The following TMEM132C variants were observed in gnomAD, a reference collection of about 807,000 sequenced individuals.
The protein encoded by TMEM132C is protein phosphatase 1, regulatory subunit 152.
In TMEM132C, 29 loss-of-function variants were observed where a neutral mutation model predicts 61.4. That is an observed-to-expected ratio of 0.47 (90% CI 0.35 to 0.64). The LOEUF (loss-of-function observed/expected upper bound fraction) is 0.64, where lower values mean the gene tolerates loss of function less well. Ranked by LOEUF, TMEM132C falls within the 30% of genes least tolerant of loss-of-function variation. The pLI is 0.00. For missense variants in TMEM132C, 1,408 were observed against 1,476.9 expected (o/e 0.95, Z 0.76); for synonymous variants, 656 against 633.1 (o/e 1.04, Z -0.54).
intron 3 of TMEM132C, among the ~76,000 whole-genome samples, chr12:128,599,284 A>T (rs2135572438): frequency 6.6e-6 from 1 of 152,222 alleles, no homozygotes; most frequent in Non-Finnish European, 1.5e-5. Flanking sequence ...CACCTTTATA[A>T]CCAGAATTAA....
At chr12:128,661,588 T>C (rs1035758352) in intron 4 of TMEM132C, among the ~76,000 whole-genome samples, 1 of 149,948 alleles carries the variant, frequency 6.7e-6, no homozygotes, top group African/African-American at 2.4e-5. Flanking sequence ...TGGATACATA[T>C]GCACATGGAG....
intron 3 of TMEM132C, among the ~76,000 whole-genome samples, chr12:128,604,939 TAATA>T (rs1401637343): frequency 2.7e-5 from 4 of 150,706 alleles, no homozygotes; most frequent in South Asian, 2.1e-4. Context: ...GATGCATAGA[TAATA>T]AATAGATGGA....
At chr12:128,478,821 A>G (rs774706777) in intron 2 of TMEM132C, among the ~76,000 whole-genome samples, 9 of 152,316 alleles carry the variant, frequency 5.9e-5, no homozygotes, top group East Asian at 1.9e-4. Flanking sequence ...ACTTATGCCA[A>G]GAGATCTCAC....
At chr12:128,492,185 CT>C (rs1363395086) in intron 2 of TMEM132C, among the ~76,000 whole-genome samples, 1 of 152,102 alleles carries the variant, frequency 6.6e-6, no homozygotes. Flanking sequence ...TGAACTCATC[CT>C]TTTTTATGGC....
rs954554302 is a variant in TMEM132C, at chr12:128,573,150, C to T, written c.1121+29047C>T. Among the ~76,000 whole-genome samples the T allele has an allele frequency of 2.0e-5, 3 of 152,174 alleles. No individual in the cohort carries two copies. In the South Asian group the frequency reaches 6.2e-4, roughly 32 times the overall value. ...TCATGCTGCTATAAAGACACATGCA[C>T]ATATATGTTTATTGTGGCACTACTC... On this transcript the variant is annotated intron_variant, in intron 3 of 8. Coordinates refer to ENST00000435159, the MANE Select transcript of TMEM132C (RefSeq NM_001136103.3).
intron 1 of TMEM132C, among the ~76,000 whole-genome samples, chr12:128,386,763 G>A (rs1593034681): frequency 1.3e-5 from 2 of 152,198 alleles, no homozygotes. Context: ...CTTTACATTC[G>A]CTCTGCTAGA....
chr12:128,694,148 C>G, intron 6 of TMEM132C, 114 bp downstream of exon 6: 2 of 1,217,242 alleles, frequency 1.6e-6, no homozygotes, highest in South Asian at 3.1e-5. Context: ...GCAGTTGAAT[C>G]TCCCCAGGGC....
At chr12:128,553,188 G>C (rs747343372) in intron 3 of TMEM132C, among the ~76,000 whole-genome samples, 1 of 152,222 alleles carries the variant, frequency 6.6e-6, no homozygotes, top group African/African-American at 2.4e-5. Flanking sequence ...AATGTTGTAA[G>C]AAAGTTTACA....
intron 4 of TMEM132C, among the ~76,000 whole-genome samples, chr12:128,648,443 A>T (rs918590742): frequency 6.6e-6 from 1 of 151,260 alleles, no homozygotes; most frequent in African/African-American, 2.4e-5. Context: ...GGAGTCCATC[A>T]GCGTTGGATA....
chr12:128,620,392 C>A (rs1346245427), intron 4 of TMEM132C, among the ~76,000 whole-genome samples: 2 of 152,084 alleles, frequency 1.3e-5, no homozygotes, highest in East Asian at 3.9e-4. Context: ...CGACAGACAG[C>A]AAACAGGTAG....
intron 5 of TMEM132C, among the ~76,000 whole-genome samples, chr12:128,690,568 T>C (rs1033724906): frequency 6.6e-6 from 1 of 152,132 alleles, no homozygotes; most frequent in Non-Finnish European, 1.5e-5. Flanking sequence ...ATGAGAAAAG[T>C]CAATGGTCTG....
chr12:128,705,916 G>A lies in TMEM132C; in HGVS notation c.2948G>A (p.Ser983Asn). The A allele has an allele frequency of 6.4e-7, 1 of 1,551,434 alleles. No homozygotes were observed. The highest frequency in any genetic ancestry group is 8.7e-7 in the Non-Finnish European group (1 of 1,146,958). The part of the protein sequence containing the change: ...WLGNEAELLE[S>N]MGDAPPPQDE... ...GGCAATGAGGCCGAACTCCTGGAGAGCATGGGGGATGCGCCGCCGCCCCAG... is the reference window on the plus strand; with the variant it reads ...GGCAATGAGGCCGAACTCCTGGAGAACATGGGGGATGCGCCGCCGCCCCAG... The change falls in exon 9 of 9, where the codon AGC becomes AAC. Residue 983 changes from serine (S) to asparagine (N), a missense_variant. Physicochemically the swap from Ser to Asn is conservative, Grantham distance 46. Coordinates refer to ENST00000435159, the MANE Select transcript of TMEM132C (RefSeq NM_001136103.3).
At chr12:128,392,714 G>A (rs1874808272) in intron 1 of TMEM132C, among the ~76,000 whole-genome samples, 2 of 151,768 alleles carry the variant, frequency 1.3e-5, no homozygotes, top group African/African-American at 2.4e-5. Flanking sequence ...GCTTCCCTGG[G>A]CCACACTGGA....
At chr12:128,391,651 G>A (rs57655564) in intron 1 of TMEM132C, among the ~76,000 whole-genome samples, 9,856 of 152,198 alleles carry the variant, frequency 0.065, 727 homozygotes, top group East Asian at 0.22. Context: ...AGCCTTAGGA[G>A]GTAGGTATTG....
At chr12:128,656,220 T>G (rs1954324210) in intron 4 of TMEM132C, among the ~76,000 whole-genome samples, 4 of 152,132 alleles carry the variant, frequency 2.6e-5, no homozygotes, top group African/African-American at 9.7e-5. Flanking sequence ...CCGGCTAATT[T>G]TTATATTTTT....
At chr12:128,544,322 T>C (rs995469252) in intron 3 of TMEM132C, among the ~76,000 whole-genome samples, 1 of 152,256 alleles carries the variant, frequency 6.6e-6, no homozygotes, top group Admixed American at 6.5e-5. Flanking sequence ...CGGGGTCAGC[T>C]TTGGAGCCGG....
At chr12:128,384,546 G>A (rs1164713005) in intron 1 of TMEM132C, among the ~76,000 whole-genome samples, 2 of 152,202 alleles carry the variant, frequency 1.3e-5, no homozygotes, top group Non-Finnish European at 2.9e-5. Context: ...GTGATGGTGG[G>A]TCGGATGGCT....
chr12:128,596,944 G>A (rs1019997013), intron 3 of TMEM132C, among the ~76,000 whole-genome samples: 12 of 152,236 alleles, frequency 7.9e-5, no homozygotes, highest in African/African-American at 2.9e-4. Context: ...CAGCTCATCT[G>A]TTTTCTGTTA....
In TMEM132C at chr12:128,705,336, G is replaced by A. The variant is rs1954829399; in HGVS notation, c.2368G>A (p.Val790Met). 2 of 1,551,372 alleles carry A rather than the reference G, an allele frequency of 1.3e-6. No individual in the cohort carries two copies. The highest frequency in any genetic ancestry group is 1.7e-6 in the Non-Finnish European group (2 of 1,146,910). Reference sequence around the variant, plus strand: ...ATCTAAACGCAAGAGCATCCTGGCTGTGGGCGTCGGCAACGTCAGGGTCAA... The same window carrying A: ...ATCTAAACGCAAGAGCATCCTGGCTATGGGCGTCGGCAACGTCAGGGTCAA... Reference protein sequence around the residue: ...QKSKRKSILAVGVGNVRVKFG... With the variant: ...QKSKRKSILAMGVGNVRVKFG... Residue 790 changes from valine (V) to methionine (M), a missense_variant, in exon 9 of 9, where the codon GTG becomes ATG. Val to Met is a conservative substitution (Grantham distance 21, BLOSUM62 1). Transcript: ENST00000435159.
Sources: gnomAD v4.1 joint callset for allele counts (sites outside exome capture counted in the v4.1 genomes callset) on GRCh38, gnomAD v4.1.1 for gene constraint, MANE v1.5 for transcripts, NCBI Gene and HGNC (gene_info 2026-07-23, HGNC 2026-07-21) for gene names.